Variants in TRAPPC9 observed in about 807,000 individuals in gnomAD.
TRAPPC9 encodes the protein trafficking protein particle complex subunit 9, also known as IKK2 binding protein.
A neutral mutation model predicts 124.0 loss-of-function variants in TRAPPC9; 83 were observed. That is an observed-to-expected ratio of 0.67 (90% confidence interval 0.56 to 0.80). TRAPPC9 has a LOEUF of 0.80. Among genes scored for constraint, TRAPPC9 ranks in the 30% least tolerant of loss-of-function variants. The pLI is 0.00. For synonymous variants in TRAPPC9, 638 were observed against 617.5 expected (o/e 1.03, Z -0.49); for missense variants, 1,302 against 1,508.3 (o/e 0.86, Z 2.27).
Position 139,960,212 on chromosome 8 carries a change from C to G in TRAPPC9, c.2810+28514G>C, listed in dbSNP as rs150106470. ...CATACTTTGGACCCTGCAGTGCATG[C>G]AGCTGCTGTCCACAGACAATGGCCT... On this transcript the variant is annotated intron_variant, in intron 19 of 22. Coordinates refer to ENST00000438773, the MANE Select transcript of TRAPPC9 (RefSeq NM_001160372.4). Among the ~76,000 whole-genome samples, 423 of 152,332 alleles carry G rather than the reference C, an allele frequency of 2.8e-3. 3 individuals carry two copies. The highest frequency in any genetic ancestry group is 9.6e-3 in the African/African-American group (397 of 41,568).
intron 17 of TRAPPC9, among the ~76,000 whole-genome samples, chr8:140,128,054 T>C (rs1421622425): frequency 2.0e-5 from 3 of 152,248 alleles, no homozygotes; most frequent in African/African-American, 7.2e-5. Context: ...AATTGGCTTT[T>C]CAGCCAAAAA....
intron 1 of TRAPPC9, 83 bp downstream of exon 1, chr8:140,457,556 C>G: frequency 1.0e-6 from 1 of 968,516 alleles, no homozygotes; most frequent in Non-Finnish European, 1.2e-6. Context: ...CCGCGGGACG[C>G]GCCGACTCCA....
chr8:140,254,702 CCTTTCTGGGAA>C (rs1242234082), intron 15 of TRAPPC9, among the ~76,000 whole-genome samples: 1 of 152,226 alleles, frequency 6.6e-6, no homozygotes, highest in African/African-American at 2.4e-5. Flanking sequence ...CCCACTATCC[CCTTTCTGGGAA>C]CCAGTTTTTT....
intron 21 of TRAPPC9, among the ~76,000 whole-genome samples, chr8:139,779,428 G>C (rs538789902): frequency 6.6e-5 from 10 of 151,728 alleles, no homozygotes; most frequent in African/African-American, 2.4e-4. Context: ...AGAAATGAAG[G>C]CACAGGAAAT....
At chr8:139,765,553 G>A (rs1820528381) in intron 21 of TRAPPC9, among the ~76,000 whole-genome samples, 1 of 152,180 alleles carries the variant, frequency 6.6e-6, no homozygotes, top group Non-Finnish European at 1.5e-5. Context: ...TTAGAAATAG[G>A]CAAGGAAGGG....
At chr8:140,093,621 T>C (rs1268937988) in intron 17 of TRAPPC9, among the ~76,000 whole-genome samples, 1 of 149,044 alleles carries the variant, frequency 6.7e-6, no homozygotes, top group Non-Finnish European at 1.5e-5. Context: ...TGAGCCAAGA[T>C]CGTGCCACTG....
At chr8:139,817,527 C>T (rs904289321) in intron 21 of TRAPPC9, among the ~76,000 whole-genome samples, 6 of 152,330 alleles carry the variant, frequency 3.9e-5, no homozygotes, top group South Asian at 2.1e-4. Flanking sequence ...ATCGAGCAGC[C>T]GCAGCGTGCC....
intron 21 of TRAPPC9, among the ~76,000 whole-genome samples, chr8:139,792,544 C>T (rs76912450): frequency 7.3e-4 from 111 of 152,280 alleles, no homozygotes; most frequent in African/African-American, 2.3e-3. Flanking sequence ...TGGTGGCAGA[C>T]GCCTGGATGT....
At chr8:140,056,139 T>A (rs1007298267) in intron 17 of TRAPPC9, among the ~76,000 whole-genome samples, 4 of 152,216 alleles carry the variant, frequency 2.6e-5, no homozygotes, top group African/African-American at 9.6e-5. Flanking sequence ...CCAGGCACAG[T>A]GACTCATGCC....
intron 16 of TRAPPC9, among the ~76,000 whole-genome samples, chr8:140,251,243 A>G (rs1174334071): frequency 6.6e-6 from 1 of 152,236 alleles, no homozygotes; most frequent in African/African-American, 2.4e-5. Context: ...TTCCAGGGGC[A>G]GGTGCTGGGC....
intron 16 of TRAPPC9, among the ~76,000 whole-genome samples, chr8:140,250,727 T>C (rs1354352906): frequency 9.2e-5 from 14 of 152,210 alleles, no homozygotes; most frequent in Non-Finnish European, 1.3e-4. Flanking sequence ...TGTCTCTTTC[T>C]GCCACATACT....
chr8:140,361,413 T>A (rs531854188), intron 8 of TRAPPC9, among the ~76,000 whole-genome samples: 1 of 152,298 alleles, frequency 6.6e-6, no homozygotes, highest in South Asian at 2.1e-4. Context: ...GGAGGTGACA[T>A]CTGGGGTGAA....
At chr8:140,288,356 G>A (rs1350843873) in intron 12 of TRAPPC9, among the ~76,000 whole-genome samples, 4 of 152,208 alleles carry the variant, frequency 2.6e-5, no homozygotes, top group African/African-American at 7.2e-5. Flanking sequence ...TCAATAAAGT[G>A]TGGAACTATA....
chr8:140,311,786 A>T (rs1322166596), intron 9 of TRAPPC9, among the ~76,000 whole-genome samples: 1 of 152,260 alleles, frequency 6.6e-6, no homozygotes, highest in African/African-American at 2.4e-5. Context: ...TTTGTAATTT[A>T]TCTGTATGAC....
chr8:139,961,781 T>C (rs1835385000), intron 19 of TRAPPC9, among the ~76,000 whole-genome samples: 1 of 123,666 alleles, frequency 8.1e-6, no homozygotes, highest in Admixed American at 8.5e-5. Flanking sequence ...GACCCACCCA[T>C]GGCTGCCTAT....
chr8:139,990,174 A>T (rs1837533132), intron 18 of TRAPPC9, among the ~76,000 whole-genome samples: 1 of 152,118 alleles, frequency 6.6e-6, no homozygotes, highest in Admixed American at 6.5e-5. Flanking sequence ...TGTTAAAGGA[A>T]AGTCTGGTCA....
At chr8:139,997,109 A>G (rs1838051129) in intron 18 of TRAPPC9, among the ~76,000 whole-genome samples, 1 of 152,228 alleles carries the variant, frequency 6.6e-6, no homozygotes, top group Non-Finnish European at 1.5e-5. Flanking sequence ...GCTAAAGAAC[A>G]GAAGCCATCT....
rs148725784 is a variant in TRAPPC9, at chr8:140,198,897, A to G, written c.2556+22562T>C. Among the ~76,000 whole-genome samples, 817 of 152,334 alleles carry G rather than the reference A, an allele frequency of 5.4e-3. 5 individuals are homozygous for G. Among genetic ancestry groups the G allele is most frequent in the African/African-American group, 0.018 (744 of 41,570 alleles). ...GTATTCAGCAAATATTTATTAGCAC[A>G]TTCAACGTGCCAGATACAGTGCTTG... is the stretch of plus-strand genomic sequence containing the variant. On this transcript the variant is annotated intron_variant, in intron 17 of 22. Coordinates refer to ENST00000438773, the MANE Select transcript of TRAPPC9 (RefSeq NM_001160372.4).
intron 17 of TRAPPC9, among the ~76,000 whole-genome samples, chr8:140,079,980 G>T (rs968002296): frequency 1.3e-5 from 2 of 152,068 alleles, no homozygotes; most frequent in Admixed American, 6.6e-5. Flanking sequence ...AGGAGGAGGA[G>T]GAGGAGGGGA....
Sources: allele counts gnomAD v4.1 joint callset (sites outside exome capture counted in the v4.1 genomes callset), GRCh38; gene constraint gnomAD v4.1.1; transcripts MANE v1.5; gene names NCBI Gene and HGNC (gene_info 2026-07-23, HGNC 2026-07-21).